Variants in RBM6 observed in about 807,000 individuals in gnomAD.
RBM6 encodes the protein RNA-binding protein 6.
Under a neutral mutation model 140.4 loss-of-function variants are expected in RBM6, and 23 were observed. The ratio of observed to expected loss-of-function variants is 0.16; its 90% CI spans 0.12 to 0.23. The LOEUF (loss-of-function observed/expected upper bound fraction) is 0.23, where lower values mean the gene tolerates loss of function less well. RBM6 is among the 10% of genes least tolerant of loss of function. The pLI is 1.00. For missense variants in RBM6, 1,139 were observed against 1,386.7 expected (o/e 0.82, Z 2.84); for synonymous variants, 439 against 475.6 (o/e 0.92, Z 1.00).
intron 5 of RBM6, among the ~76,000 whole-genome samples, chr3:49,980,190 C>T (rs748701254): frequency 2.7e-5 from 4 of 150,638 alleles, no homozygotes; most frequent in East Asian, 2.0e-4. Flanking sequence ...TTTTTAGTAG[C>T]GACAGGGTTG....
chr3:50,014,193 T>G (rs1437681106), intron 6 of RBM6, among the ~76,000 whole-genome samples: 2 of 151,920 alleles, frequency 1.3e-5, no homozygotes, highest in African/African-American at 2.4e-5. Flanking sequence ...GGCAAGGGGG[T>G]TTGGGAATAT....
rs142544222 is a variant in RBM6, at chr3:50,024,681, C to T, written c.1558-23564C>T. On this transcript the variant is annotated intron_variant, in intron 6 of 20. Transcript: ENST00000266022. ...GAAAAAAACAGTTTTTGGCCGGGCA[C>T]GATGGCTCACGCCTGTTATCCCAGC... 1.3e-3 allele frequency among the ~76,000 whole-genome samples: 195 copies of T among 152,322 alleles called. 1 individual carries two copies. The highest frequency in any genetic ancestry group is 2.5e-3 in the South Asian group (12 of 4,830).
rs534269777 is a variant in RBM6 at position 50,052,058 on chromosome 3, C to T, written c.1633-2277C>T. Among the ~76,000 whole-genome samples, 4 of 152,134 alleles carry T rather than the reference C, an allele frequency of 2.6e-5. No homozygotes were observed. The South Asian group carries it at 8.3e-4, about 32-fold the overall frequency. Reference sequence around the variant, plus strand: ...GAATTGTACACATAAAATAGGTAAACTTTATGGGGTTTGTTTTTGTTTTTA... The same window carrying T: ...GAATTGTACACATAAAATAGGTAAATTTTATGGGGTTTGTTTTTGTTTTTA... On this transcript the variant is annotated intron_variant, in intron 7 of 20. Transcript: ENST00000266022.
intron 5 of RBM6, among the ~76,000 whole-genome samples, chr3:49,978,695 C>T (rs913502580): frequency 1.3e-5 from 2 of 152,164 alleles, no homozygotes; most frequent in Non-Finnish European, 2.9e-5. Context: ...TTAATATTCT[C>T]ACTAACAGGA....
intron 6 of RBM6, among the ~76,000 whole-genome samples, chr3:50,036,179 G>A (rs2088527062): frequency 6.6e-6 from 1 of 152,208 alleles, no homozygotes; most frequent in Non-Finnish European, 1.5e-5. Context: ...ACAGGCATGA[G>A]CCACTGCGCC....
chr3:49,976,542 A>G (rs2085070596), intron 5 of RBM6, among the ~76,000 whole-genome samples: 1 of 152,186 alleles, frequency 6.6e-6, no homozygotes, highest in Non-Finnish European at 1.5e-5. Flanking sequence ...TATTTTTTGC[A>G]TATGCCTTAT....
At position 49,981,901 on chromosome 3, in the gene RBM6, A is replaced by G. The variant is rs754618729; in HGVS notation, c.1483+6509A>G. ...TGATATTTTTCCAAAAGGGATTTAT[A>G]TCATTTAAGCAAAAATGATACAGCT... On this transcript the variant is annotated intron_variant, in intron 5 of 20. Coordinates refer to ENST00000266022, the MANE Select transcript of RBM6 (RefSeq NM_005777.3). 3.9e-5 allele frequency among the ~76,000 whole-genome samples: 6 copies of G among 152,216 alleles called. No homozygotes were observed. The East Asian group carries it at 5.8e-4, about 15-fold the overall frequency.
chr3:50,048,393 G>T, intron 7 of RBM6, 74 bp downstream of exon 7: 1 of 1,555,954 alleles, frequency 6.4e-7, no homozygotes, highest in South Asian at 1.2e-5. Flanking sequence ...TAGGAAGGCT[G>T]CCTGCTAACA....
intron 6 of RBM6, among the ~76,000 whole-genome samples, chr3:50,028,150 A>T (rs1350703126): frequency 6.6e-6 from 1 of 152,060 alleles, no homozygotes; most frequent in Non-Finnish European, 1.5e-5. Flanking sequence ...GAGCATATCA[A>T]GGGCTTGGTT....
chr3:49,986,594 CAAAAAA>C (rs377686651), intron 5 of RBM6, among the ~76,000 whole-genome samples: 1 of 114,568 alleles, frequency 8.7e-6, no homozygotes, highest in Admixed American at 9.6e-5. Context: ...GACTCCGTCT[CAAAAAA>C]AAAAAAAAAC....
At chr3:50,074,326 C>CTT (rs879763860) in intron 19 of RBM6, among the ~76,000 whole-genome samples, 6 of 143,412 alleles carry the variant, frequency 4.2e-5, no homozygotes, top group African/African-American at 1.3e-4. Flanking sequence ...TACTGCATTT[C>CTT]TTTTTTTTTT....
chr3:49,968,109 A>G lies in RBM6; in HGVS notation c.684A>G (p.Lys228=), dbSNP rs1262967693. Residue 228 remains lysine (K), a synonymous_variant, in exon 3 of 21, where the codon AAA becomes AAG. Coordinates refer to ENST00000266022, the MANE Select transcript of RBM6 (RefSeq NM_005777.3). ...RDVSDLDFRD[K]DGTQVDFRGR... ...TATCTGATTTGGACTTTAGAGACAA[A>G]GACGGAACACAAGTAGACTTTAGAG... The G allele has an allele frequency of 1.2e-6, 2 of 1,614,122 alleles. No individual in the cohort carries two copies. The highest frequency in any genetic ancestry group is 1.7e-6 in the Non-Finnish European group (2 of 1,180,064).
intron 6 of RBM6, among the ~76,000 whole-genome samples, chr3:50,028,634 A>G (rs2087974032): frequency 6.6e-6 from 1 of 152,194 alleles, no homozygotes; most frequent in East Asian, 1.9e-4. Context: ...AAACCAGAAA[A>G]AATGCCTGGG....
chr3:49,962,115 CT>C (rs2084308048), intron 1 of RBM6, among the ~76,000 whole-genome samples: 1 of 139,470 alleles, frequency 7.2e-6, no homozygotes, highest in African/African-American at 2.7e-5. Context: ...TGCCTTTGCA[CT>C]TCAGCCTGGG....
At chr3:50,011,243 A>AT (rs1392520210) in intron 6 of RBM6, among the ~76,000 whole-genome samples, 3 of 151,886 alleles carry the variant, frequency 2.0e-5, no homozygotes, top group East Asian at 1.9e-4. Context: ...GGCATGAAGA[A>AT]TTTTTTTGCT....
At chr3:49,994,401 A>G (rs560187883) in intron 5 of RBM6, among the ~76,000 whole-genome samples, 1 of 152,284 alleles carries the variant, frequency 6.6e-6, no homozygotes, top group South Asian at 2.1e-4. Context: ...CCTGTTGGAA[A>G]TCTTGCGCAC....
intron 1 of RBM6, among the ~76,000 whole-genome samples, chr3:49,946,390 G>A (rs965444125): frequency 2.6e-5 from 4 of 151,852 alleles, no homozygotes; most frequent in Non-Finnish European, 5.9e-5. Context: ...ACAGGCAGCC[G>A]CCACCGTGCC....
At chr3:49,958,284 G>A (rs892441913) in intron 1 of RBM6, among the ~76,000 whole-genome samples, 9 of 146,630 alleles carry the variant, frequency 6.1e-5, no homozygotes, top group African/African-American at 2.0e-4. Context: ...GGCCGGGTGC[G>A]GTGGCTCACG....
chr3:50,006,316 A>G (rs966494078), intron 6 of RBM6, among the ~76,000 whole-genome samples: 17 of 151,748 alleles, frequency 1.1e-4, no homozygotes, highest in Non-Finnish European at 1.8e-4. Flanking sequence ...TTGTATTTTC[A>G]GTAGAAATGG....
Sources: gnomAD v4.1 joint callset for allele counts (sites outside exome capture counted in the v4.1 genomes callset) on GRCh38, gnomAD v4.1.1 for gene constraint, MANE v1.5 for transcripts, NCBI Gene and HGNC (gene_info 2026-07-23, HGNC 2026-07-21) for gene names.